ZNF804B: variants seen among roughly 807,000 people sequenced by gnomAD.
ZNF804B encodes zinc finger protein 804B.
In ZNF804B, 80 loss-of-function variants were observed where a neutral mutation model predicts 101.4. The ratio of observed to expected loss-of-function variants is 0.79; its 90% confidence interval spans 0.66 to 0.95. The LOEUF is 0.95. ZNF804B is among the 40% of genes least tolerant of loss of function. The pLI, the probability that ZNF804B is intolerant of heterozygous loss-of-function variation, is 0.00. For synonymous variants in ZNF804B, 622 were observed against 558.8 expected, an observed-to-expected ratio of 1.11 and a Z score of -1.59; for missense variants, 1,673 against 1,561.9, an observed-to-expected ratio of 1.07 and a Z score of -1.20.
chr7:89,282,437 AATAAC>A (rs998160849), intron 2 of ZNF804B, among the ~76,000 whole-genome samples: 3 of 152,162 alleles, frequency 2.0e-5, no homozygotes, highest in Non-Finnish European at 4.4e-5. Flanking sequence ...AGTTGACAAA[AATAAC>A]AAAACAACAA....
intron 1 of ZNF804B, among the ~76,000 whole-genome samples, chr7:88,926,309 G>A (rs778689187): frequency 3.9e-5 from 6 of 151,958 alleles, no homozygotes; most frequent in African/African-American, 7.2e-5. Flanking sequence ...AAAGGAGGCC[G>A]GGTGTGGTGG....
chr7:88,787,245 C>A (rs1790315898), intron 1 of ZNF804B, among the ~76,000 whole-genome samples: 1 of 152,096 alleles, frequency 6.6e-6, no homozygotes, highest in African/African-American at 2.4e-5. Flanking sequence ...CAAGGCTTTG[C>A]AGATTATTTA....
At chr7:88,765,135 T>C (rs1789961131) in intron 1 of ZNF804B, among the ~76,000 whole-genome samples, 1 of 152,162 alleles carries the variant, frequency 6.6e-6, no homozygotes, top group South Asian at 2.1e-4. Flanking sequence ...TAAATAGGTA[T>C]TTGAGCGCTA....
chr7:88,852,850 T>G (rs1263470233), intron 1 of ZNF804B, among the ~76,000 whole-genome samples: 1 of 152,098 alleles, frequency 6.6e-6, no homozygotes, highest in Non-Finnish European at 1.5e-5. Flanking sequence ...GTTATGCACT[T>G]TATCCCAATA....
At chr7:89,238,493 G>A (rs1474512061) in intron 2 of ZNF804B, among the ~76,000 whole-genome samples, 1 of 152,096 alleles carries the variant, frequency 6.6e-6, no homozygotes, top group Non-Finnish European at 1.5e-5. Flanking sequence ...ACTGCATTTT[G>A]TAAGAGCAAA....
chr7:89,336,823 A>C lies in ZNF804B; in HGVS notation c.3841A>C (p.Ile1281Leu). Reference protein sequence around the residue: ...VAATPFHPSHITLQPLPPTAF... With the variant: ...VAATPFHPSHLTLQPLPPTAF... ...TGCTACCCCCTTCCACCCATCTCACATAACACTTCAGCCTCTGCCCCCTAC... is the reference window on the plus strand; with the variant it reads ...TGCTACCCCCTTCCACCCATCTCACCTAACACTTCAGCCTCTGCCCCCTAC... Residue 1281 changes from isoleucine to leucine, a missense_variant, in exon 4 of 4, where the codon ATA (isoleucine) becomes CTA (leucine). Transcript: ENST00000333190. The C allele has an allele frequency of 1.2e-6, 2 of 1,614,022 alleles. No homozygotes were observed. Among genetic ancestry groups the C allele is most frequent in the Non-Finnish European group, 1.7e-6 (2 of 1,179,992 alleles).
chr7:89,154,916 A>T (rs2189071), intron 1 of ZNF804B, among the ~76,000 whole-genome samples: 11,639 of 152,034 alleles, frequency 0.077, 1,109 homozygotes, highest in African/African-American at 0.22. Context: ...ATTTTTTGTA[A>T]CACAAAGGAT....
chr7:88,931,702 C>T (rs73397337), intron 1 of ZNF804B, among the ~76,000 whole-genome samples: 1 of 151,762 alleles, frequency 6.6e-6, no homozygotes, highest in African/African-American at 2.4e-5. Flanking sequence ...TGAGTCCAGT[C>T]AGATCTTGCT....
chr7:88,875,771 A>G (rs1453542780), intron 1 of ZNF804B, among the ~76,000 whole-genome samples: 2 of 152,338 alleles, frequency 1.3e-5, no homozygotes, highest in Non-Finnish European at 2.9e-5. Flanking sequence ...AACTATTCCA[A>G]TCAATAGAAA....
intron 1 of ZNF804B, among the ~76,000 whole-genome samples, chr7:88,929,315 T>C: frequency 6.6e-6 from 1 of 151,082 alleles, no homozygotes; most frequent in Non-Finnish European, 1.5e-5. Flanking sequence ...TTAGTGAATC[T>C]TACTTTTCTA....
At chr7:88,927,740 C>T (rs918554034) in intron 1 of ZNF804B, among the ~76,000 whole-genome samples, 3 of 152,096 alleles carry the variant, frequency 2.0e-5, no homozygotes, top group African/African-American at 7.2e-5. Flanking sequence ...CTTTCAGCCA[C>T]CCTTATTTCT....
chr7:89,068,831 G>A (rs1262455806), intron 1 of ZNF804B, among the ~76,000 whole-genome samples: 2 of 152,178 alleles, frequency 1.3e-5, no homozygotes, highest in Admixed American at 1.3e-4. Flanking sequence ...TTTGGACTGT[G>A]AGGGACAAGA....
At chr7:88,760,669 A>G (rs1789881321) in intron 1 of ZNF804B, among the ~76,000 whole-genome samples, 1 of 152,188 alleles carries the variant, frequency 6.6e-6, no homozygotes, top group East Asian at 1.9e-4. Flanking sequence ...ATATACAAAT[A>G]TATTAACATG....
In ZNF804B at chr7:89,057,070, T is replaced by C. The variant is rs1789308021; in HGVS notation, c.109-161085T>C. On this transcript the variant is annotated intron_variant, in intron 1 of 3. Transcript: ENST00000333190. ...TTCTCTGAGGGGGTCCTCCAACTTG[T>C]TGCTGGAATTTGGAGTCCAAAAAAC... Among the ~76,000 whole-genome samples the C allele has an allele frequency of 2.0e-5, 3 of 152,084 alleles. No homozygotes were observed. In the South Asian group the frequency reaches 6.2e-4, roughly 31 times the overall value.
chr7:88,871,148 C>T (rs1791817735), intron 1 of ZNF804B, among the ~76,000 whole-genome samples: 1 of 152,060 alleles, frequency 6.6e-6, no homozygotes, highest in South Asian at 2.1e-4. Context: ...TGAATTGTCT[C>T]CTGCAAATAG....
chr7:88,865,892 A>G (rs1562816622), intron 1 of ZNF804B, among the ~76,000 whole-genome samples: 1 of 152,184 alleles, frequency 6.6e-6, no homozygotes, highest in Non-Finnish European at 1.5e-5. Context: ...CCTTACTTAA[A>G]ATGGCATCCT....
At chr7:88,854,410 T>TCTTCCTTCCTTTCTTTCTTCCTTC (rs1438172000) in intron 1 of ZNF804B, among the ~76,000 whole-genome samples, 1 of 132,644 alleles carries the variant, frequency 7.5e-6, no homozygotes, top group Admixed American at 7.5e-5. Flanking sequence ...TTTCTTTCTT[T>TCTTCCTTCCTTTCTTTCTTCCTTC]CTTCCTTTCT....
intron 1 of ZNF804B, among the ~76,000 whole-genome samples, chr7:88,892,406 G>A (rs1792227065): frequency 6.6e-6 from 1 of 152,032 alleles, no homozygotes; most frequent in Non-Finnish European, 1.5e-5. Context: ...TTTTTGGGGA[G>A]TATCTTTCTA....
chr7:89,074,016 T>A (rs565927178), intron 1 of ZNF804B, among the ~76,000 whole-genome samples: 1 of 152,232 alleles, frequency 6.6e-6, no homozygotes, highest in Admixed American at 6.5e-5. Context: ...AAGTACCAGT[T>A]TATAGAGGAT....
Sources: gnomAD v4.1 joint callset for allele counts (sites outside exome capture counted in the v4.1 genomes callset) on GRCh38, gnomAD v4.1.1 for gene constraint, MANE v1.5 for transcripts, NCBI Gene and HGNC (gene_info 2026-07-23, HGNC 2026-07-21) for gene names.